Variants in ADAMTS16 observed in about 807,000 individuals in gnomAD.
ADAMTS16 encodes A disintegrin and metalloproteinase with thrombospondin motifs 16.
Under a neutral mutation model 145.8 loss-of-function variants are expected in ADAMTS16, and 94 were observed. The ratio of observed to expected loss-of-function variants is 0.64; its 90% CI spans 0.55 to 0.77. The LOEUF is 0.77. Among genes scored for constraint, ADAMTS16 ranks in the 30% least tolerant of loss-of-function variants. The pLI is 0.00. For synonymous variants in ADAMTS16, 659 were observed against 604.3 expected, an observed-to-expected ratio of 1.09 and a Z score of -1.33; for missense variants, 1,585 against 1,591.5, an observed-to-expected ratio of 1.00 and a Z score of 0.07.
chr5:5,288,982 T>C (rs1468139867), intron 18 of ADAMTS16, among the ~76,000 whole-genome samples: 1 of 152,186 alleles, frequency 6.6e-6, no homozygotes, highest in African/African-American at 2.4e-5. Context: ...CATAGGGTTG[T>C]TAAGTGGGCT....
At chr5:5,163,168 A>C (rs951781560) in intron 3 of ADAMTS16, among the ~76,000 whole-genome samples, 1 of 152,176 alleles carries the variant, frequency 6.6e-6, no homozygotes, top group Admixed American at 6.5e-5. Context: ...GTGGAGAAAA[A>C]TATGTAACTT....
intron 18 of ADAMTS16, among the ~76,000 whole-genome samples, chr5:5,273,357 A>C (rs1218837639): frequency 2.6e-5 from 4 of 152,194 alleles, no homozygotes. Flanking sequence ...CTTCAGCTCT[A>C]CCAAAAATAC....
chr5:5,240,856 T>G (rs1369515567), intron 16 of ADAMTS16, among the ~76,000 whole-genome samples: 2 of 152,210 alleles, frequency 1.3e-5, no homozygotes, highest in Non-Finnish European at 2.9e-5. Flanking sequence ...GATCAATTTA[T>G]CTTGAATTCT....
At chr5:5,311,092 CCT>C (rs1219796743) in intron 21 of ADAMTS16, among the ~76,000 whole-genome samples, 8 of 151,978 alleles carry the variant, frequency 5.3e-5, no homozygotes, top group African/African-American at 1.9e-4. Context: ...CCTCGCAGCC[CCT>C]GTGGCCAGGA....
chr5:5,182,982 G>A (rs1396718156), intron 4 of ADAMTS16, among the ~76,000 whole-genome samples: 2 of 152,080 alleles, frequency 1.3e-5, no homozygotes, highest in Non-Finnish European at 2.9e-5. Context: ...TGTTTCCTGC[G>A]TGGTTGGTTT....
Position 5,146,309 on chromosome 5 carries a change from G to C in ADAMTS16, c.355G>C (p.Val119Leu). The change falls in exon 3 of 23, where the codon GTG (valine) becomes CTG (leucine). Residue 119 changes from valine to leucine, a missense_variant. Val to Leu is a conservative substitution (Grantham distance 32). Coordinates refer to ENST00000274181, the MANE Select transcript of ADAMTS16 (RefSeq NM_139056.4). ...GGATCTGAGGACTTCCAGCAGCCTA[G>C]TGGCTCCTGGCTTTATTGTGCAGAC... ...HMDLRTSSSLVAPGFIVQTLG... is the reference protein window; with the variant it reads ...HMDLRTSSSLLAPGFIVQTLG... The C allele has an allele frequency of 6.2e-7, 1 of 1,614,188 alleles. No homozygotes were observed. Among genetic ancestry groups the C allele is most frequent in the Non-Finnish European group, 8.5e-7 (1 of 1,180,032 alleles).
At chr5:5,236,707 C>T (rs1737118193) in intron 13 of ADAMTS16, among the ~76,000 whole-genome samples, 1 of 151,878 alleles carries the variant, frequency 6.6e-6, no homozygotes, top group African/African-American at 2.4e-5. Context: ...TTATTGAATG[C>T]CTACTATGTG....
intron 10 of ADAMTS16, among the ~76,000 whole-genome samples, chr5:5,215,776 ATATGGTATATATATGTG>A (rs1448254419): frequency 5.0e-5 from 7 of 139,962 alleles, no homozygotes; most frequent in African/African-American, 1.9e-4. Context: ...TGGTATATAT[ATATGGTATATATATGTG>A]TGGTATATAT....
chr5:5,275,581 A>G (rs918615345), intron 18 of ADAMTS16, among the ~76,000 whole-genome samples: 20 of 152,118 alleles, frequency 1.3e-4, no homozygotes, highest in Admixed American at 4.6e-4. Flanking sequence ...TTTACAATTG[A>G]CTTTAAAATT....
At chr5:5,210,747 T>C (rs1487145265) in intron 10 of ADAMTS16, among the ~76,000 whole-genome samples, 1 of 152,204 alleles carries the variant, frequency 6.6e-6, no homozygotes, top group Admixed American at 6.5e-5. Context: ...GAAGTTCATC[T>C]CTAATCCCAA....
chr5:5,232,697 G>A (rs555809396), intron 12 of ADAMTS16, among the ~76,000 whole-genome samples, 181 bp downstream of exon 12: 3 of 148,074 alleles, frequency 2.0e-5, no homozygotes, highest in South Asian at 4.3e-4. Context: ...TCCGCCTCCC[G>A]GATTCAAGCT....
chr5:5,200,381 C>T lies in ADAMTS16; in HGVS notation c.1451+112C>T. On this transcript the variant is annotated intron_variant, in intron 9 of 22. Coordinates refer to ENST00000274181, the MANE Select transcript of ADAMTS16 (RefSeq NM_139056.4). ...AGGCTGTGCTTCCTGATGTGGTTCCCTTTGAAGGTGTCTTGAGACATTCAG... is the reference window on the plus strand; with the variant it reads ...AGGCTGTGCTTCCTGATGTGGTTCCTTTTGAAGGTGTCTTGAGACATTCAG... The T allele has an allele frequency of 2.2e-6, 3 of 1,374,736 alleles. No homozygotes were observed. The East Asian group carries it at 6.9e-5, about 32-fold the overall frequency. The allele number at this position is 1,374,736 out of a possible 1,614,324, so 85.2% of individuals were successfully genotyped here.
chr5:5,272,028 A>C (rs1435392322), intron 18 of ADAMTS16, among the ~76,000 whole-genome samples: 2 of 152,144 alleles, frequency 1.3e-5, no homozygotes. Flanking sequence ...CTTGCAATGA[A>C]AAGGGGGGAG....
chr5:5,232,270 A>T, intron 11 of ADAMTS16, 98 bp from the exon 12 acceptor site: 2 of 1,416,690 alleles, frequency 1.4e-6, no homozygotes, highest in East Asian at 2.3e-5. Flanking sequence ...TGCATAGTTT[A>T]CAAAATTCCC....
At chr5:5,168,144 T>C (rs1426794816) in intron 3 of ADAMTS16, among the ~76,000 whole-genome samples, 1 of 152,150 alleles carries the variant, frequency 6.6e-6, no homozygotes, top group African/African-American at 2.4e-5. Flanking sequence ...ACAATACTTA[T>C]TATGATGACA....
intron 8 of ADAMTS16, among the ~76,000 whole-genome samples, chr5:5,199,362 C>T (rs937507543): frequency 1.3e-5 from 2 of 152,180 alleles, no homozygotes; most frequent in Non-Finnish European, 2.9e-5. Flanking sequence ...TGTACCTGTA[C>T]TCTGAGCCAG....
chr5:5,207,821 T>C (rs1332694747), intron 9 of ADAMTS16, among the ~76,000 whole-genome samples: 1 of 152,120 alleles, frequency 6.6e-6, no homozygotes, highest in African/African-American at 2.4e-5. Flanking sequence ...ATGTAATAGA[T>C]TACATTAATT....
Position 5,140,477 on chromosome 5 carries a change from C to A in ADAMTS16, c.10C>A (p.Arg4Ser), listed in dbSNP as rs1734122839. 1 of 1,512,990 alleles carries A rather than the reference C, an allele frequency of 6.6e-7. No homozygotes were observed. Among genetic ancestry groups the A allele is most frequent in the East Asian group, 2.7e-5 (1 of 37,376 alleles). The allele number at this position is 1,512,990 out of a possible 1,614,324, so 93.7% of individuals were successfully genotyped here. The change falls in exon 1 of 23, where the codon CGC becomes AGC. Residue 4 changes from arginine to serine, a missense_variant. Physicochemically the swap from Arg to Ser is moderately radical, Grantham distance 110. Coordinates refer to ENST00000274181, the MANE Select transcript of ADAMTS16 (RefSeq NM_139056.4). ...CTCGGAGCGCTCCTGGATGAAGCCC[C>A]GCGCGCGCGGATGGCGGGGCTTGGC... The part of the protein sequence containing the change: MKP[R>S]ARGWRGLAAL...
At chr5:5,191,130 G>A (rs59463806) in intron 7 of ADAMTS16, among the ~76,000 whole-genome samples, 3,241 of 152,264 alleles carry the variant, frequency 0.021, 127 homozygotes, top group African/African-American at 0.074. Context: ...TTAGACGTGT[G>A]TGCCTGTTTC....
Sources: allele counts gnomAD v4.1 joint callset (sites outside exome capture counted in the v4.1 genomes callset), GRCh38; gene constraint gnomAD v4.1.1; transcripts MANE v1.5; gene names NCBI Gene and HGNC (gene_info 2026-07-23, HGNC 2026-07-21).